Variants in MBD6 observed in about 807,000 individuals in gnomAD.
The protein encoded by MBD6 is methyl-CpG-binding domain protein 6.
Under a neutral mutation model 66.8 loss-of-function variants are expected in MBD6, and 22 were observed. That is an observed-to-expected ratio of 0.33 (90% CI 0.24 to 0.47). The LOEUF (loss-of-function observed/expected upper bound fraction) is 0.47, where lower values mean the gene tolerates loss of function less well. Among genes scored for constraint, MBD6 ranks in the 20% least tolerant of loss-of-function variants. MBD6 has a pLI of 1.00. For missense variants in MBD6, 1,322 were observed against 1,286.9 expected (o/e 1.03, Z -0.42); for synonymous variants, 540 against 534.6 (o/e 1.01, Z -0.14).
downstream of MBD6, among the ~76,000 whole-genome samples, chr12:57,531,545 A>T (rs1289695814): frequency 6.6e-6 from 1 of 152,094 alleles, no homozygotes; most frequent in Non-Finnish European, 1.5e-5. Flanking sequence ...GAAATTGTGG[A>T]CTTGCTGTGT....
chr12:57,524,255 C>T, intron 2 of MBD6, 25 bp from the exon 3 acceptor site: 1 of 1,379,312 alleles, frequency 7.2e-7, no homozygotes, highest in Non-Finnish European at 9.9e-7. Flanking sequence ...CCTCCTAGTG[C>T]CTACATGGAT....
chr12:57,528,648 T>C lies in MBD6; in HGVS notation c.2821-18T>C, dbSNP rs370620774. On this transcript the variant is annotated intron_variant, in intron 10 of 12. Transcript: ENST00000355673. ...CCTTTTTCGAAATTTCCCACACACA[T>C]AGTCCATCTTTTCTCAGGTGCCCCC... The C allele has an allele frequency of 1.3e-5, 21 of 1,613,968 alleles. No individual in the cohort carries two copies. The highest frequency in any genetic ancestry group is 6.7e-5 in the African/African-American group (5 of 75,000).
Position 57,525,983 on chromosome 12 carries a change from A to G in MBD6, c.1015A>G (p.Ser339Gly). The change falls in exon 6 of 13, where the codon AGC becomes GGC. Residue 339 changes from serine (S) to glycine (G), a missense_variant. Ser to Gly is a moderately conservative substitution (Grantham distance 56, BLOSUM62 0). Transcript: ENST00000355673. Reference protein sequence around the residue: ...KAQHPPLPPPSTLQGRRPRAQ... With the variant: ...KAQHPPLPPPGTLQGRRPRAQ... ...ACAGCATCCCCCACTACCCCCTCCCAGCACTTTACAGGGCCGAAGGCCCCG... is the reference window on the plus strand; with the variant it reads ...ACAGCATCCCCCACTACCCCCTCCCGGCACTTTACAGGGCCGAAGGCCCCG... 6.4e-7 allele frequency: 1 copy of G among 1,574,304 alleles called. No individual in the cohort carries two copies. Among genetic ancestry groups the G allele is most frequent in the Non-Finnish European group, 8.6e-7 (1 of 1,165,864 alleles).
In MBD6 at chr12:57,527,907, G is replaced by T; in HGVS notation, c.2296G>T (p.Gly766Cys). ...CCTCCCCAGCCTGTTGCAGCCTCCTGGCCCTCTTCTCTCTGGCCAGTTGGG... is the reference window on the plus strand; with the variant it reads ...CCTCCCCAGCCTGTTGCAGCCTCCTTGCCCTCTTCTCTCTGGCCAGTTGGG... Reference protein sequence around the residue: ...GALPSLLQPPGPLLSGQLGLQ... With the variant: ...GALPSLLQPPCPLLSGQLGLQ... Residue 766 changes from glycine to cysteine, a missense_variant, in exon 9 of 13, where the codon GGC becomes TGC. Transcript: ENST00000355673. The T allele has an allele frequency of 1.2e-6, 2 of 1,613,706 alleles. No homozygotes were observed. Among genetic ancestry groups the T allele is most frequent in the African/African-American group, 2.7e-5 (2 of 74,994 alleles).
chr12:57,526,213 G>A lies in MBD6; in HGVS notation c.1245G>A (p.Leu415=), dbSNP rs1231717641. The A allele has an allele frequency of 6.8e-6, 11 of 1,613,994 alleles. No homozygotes were observed. The highest frequency in any genetic ancestry group is 9.3e-6 in the Non-Finnish European group (11 of 1,179,998). The change falls in exon 6 of 13, where the codon CTG becomes CTA. Residue 415 remains leucine, a synonymous_variant. Coordinates refer to ENST00000355673, the MANE Select transcript of MBD6 (RefSeq NM_052897.4). ...SQPILPSVLS[L]LGLPTPGPSH... is the part of the protein sequence containing the mutation. ...CAATTCTCCCTTCTGTGCTGTCCCT[G>A]CTGGGACTCCCCACCCCTGGCCCTT...
chr12:57,524,626 C>G, intron 3 of MBD6, 94 bp from the exon 4 acceptor site: 1 of 1,218,968 alleles, frequency 8.2e-7, no homozygotes, highest in South Asian at 1.2e-5. Flanking sequence ...CTCTGTTCTT[C>G]TAGGAGGATC....
rs144690421 is a variant in MBD6, at chr12:57,527,626, A to G, written c.2202A>G (p.Gln734=). The G allele has an allele frequency of 1.1e-4, 181 of 1,609,954 alleles. 1 individual carries two copies. In the African/African-American group the frequency reaches 1.6e-3, roughly 14 times the overall value. The change falls in exon 8 of 13, where the codon CAA becomes CAG. Residue 734 remains glutamine, a synonymous_variant. Transcript: ENST00000355673. Reference sequence around the variant, plus strand: ...CCTCCAACTCAGGGAGACCCCCCCAACTCCTTAGCCCTCTGCTGGGTGCCA... The same window carrying G: ...CCTCCAACTCAGGGAGACCCCCCCAGCTCCTTAGCCCTCTGCTGGGTGCCA... The part of the protein sequence containing the change: ...KAPSNSGRPP[Q]LLSPLLGASL...
chr12:57,527,908 G>C lies in MBD6; in HGVS notation c.2297G>C (p.Gly766Ala). ...CTCCCCAGCCTGTTGCAGCCTCCTG[G>C]CCCTCTTCTCTCTGGCCAGTTGGGG... ...GALPSLLQPP[G>A]PLLSGQLGLQ... The change falls in exon 9 of 13, where the codon GGC (glycine) becomes GCC (alanine). Residue 766 changes from glycine to alanine, a missense_variant. By Grantham distance (60) the Gly-to-Ala change is moderately conservative. Coordinates refer to ENST00000355673, the MANE Select transcript of MBD6 (RefSeq NM_052897.4). 6.2e-7 allele frequency: 1 copy of C among 1,613,688 alleles called. No individual in the cohort carries two copies. Among genetic ancestry groups the C allele is most frequent in the Non-Finnish European group, 8.5e-7 (1 of 1,179,900 alleles).
Position 57,527,229 on chromosome 12 carries a change from T to C in MBD6, c.2082+2T>C. On this transcript the variant is annotated splice_donor_variant, in intron 7 of 12. Transcript: ENST00000355673. LOFTEE classifies it high-confidence loss of function. ...CCCCCCTCGGGGACACCCCCCCAGG[T>C]GAGGATGGGGGTGAGTAGGTGGGAC... 6.7e-7 allele frequency: 1 copy of C among 1,485,108 alleles called. No individual in the cohort carries two copies. Among genetic ancestry groups the C allele is most frequent in the East Asian group, 2.3e-5 (1 of 42,652 alleles). 92.0% of individuals were successfully genotyped at this position (1,485,108 alleles called of 1,614,324 possible).
At chr12:57,524,477 C>T in intron 3 of MBD6, 61 bp downstream of exon 3, 1 of 1,400,578 alleles carries the variant, frequency 7.1e-7, no homozygotes. Context: ...TTCTTTCTTC[C>T]GTTTCTTCTC....
Position 57,528,265 on chromosome 12 carries a change from A to AC in MBD6, c.2531dup (p.Val845SerfsTer3). 6.2e-7 allele frequency: 1 copy of AC among 1,602,762 alleles called. No homozygotes were observed. Among genetic ancestry groups the AC allele is most frequent in the East Asian group, 2.2e-5 (1 of 44,760 alleles). On this transcript the variant is annotated frameshift_variant, in exon 10 of 13. Coordinates refer to ENST00000355673, the MANE Select transcript of MBD6 (RefSeq NM_052897.4). LOFTEE classifies it high-confidence loss of function. ...TTAGCCCCACCCCATGGTTCTCCCG[A>AC]CCCCCCAGTCCCTGAGCTGCTCACT...
chr12:57,522,596 A>G (rs1374783556), upstream of MBD6: 1 of 123,520 alleles, frequency 8.1e-6, no homozygotes, highest in African/African-American at 3.2e-5. Flanking sequence ...TCTCTTGGGG[A>G]TTAATGGGGG....
In MBD6 at chr12:57,526,633, C is replaced by T. The variant is rs758235396; in HGVS notation, c.1488C>T (p.Ser496=). 7.9e-6 allele frequency: 12 copies of T among 1,513,910 alleles called. No individual in the cohort carries two copies. The highest frequency in any genetic ancestry group is 2.3e-5 in the East Asian group (1 of 43,898). 93.8% of individuals were successfully genotyped at this position (1,513,910 alleles called of 1,614,324 possible). ...CCAGCCCTGTGCTTCAAAGCCCATC[C>T]GAAGGACTGGGGATGGGGGCAGGCC... The part of the protein sequence containing the change: ...VVPSPVLQSP[S]EGLGMGAGPA... Residue 496 remains serine, a synonymous_variant, in exon 7 of 13, where the codon TCC becomes TCT. Transcript: ENST00000355673.
In MBD6 at chr12:57,526,149, C is replaced by T; in HGVS notation, c.1181C>T (p.Pro394Leu). Reference protein sequence around the residue: ...PRRSRPRAPAPVPQPFSLPEP... With the variant: ...PRRSRPRAPALVPQPFSLPEP... ...CGGAGCCGTCCTCGGGCCCCTGCTC[C>T]TGTCCCCCAACCCTTTTCTCTCCCG... The change falls in exon 6 of 13, where the codon CCT becomes CTT. Residue 394 changes from proline (P) to leucine (L), a missense_variant. Physicochemically the swap from Pro to Leu is moderately conservative, Grantham distance 98. Coordinates refer to ENST00000355673, the MANE Select transcript of MBD6 (RefSeq NM_052897.4). The T allele has an allele frequency of 1.2e-6, 2 of 1,614,210 alleles. No homozygotes were observed. Among genetic ancestry groups the T allele is most frequent in the Non-Finnish European group, 1.7e-6 (2 of 1,180,032 alleles).
At chr12:57,524,447 C>A in intron 3 of MBD6, 31 bp downstream of exon 3, 1 of 1,527,068 alleles carries the variant, frequency 6.5e-7, no homozygotes, top group Non-Finnish European at 8.9e-7. Context: ...CCAAGCTCTG[C>A]CACTCCAGTT....
downstream of MBD6, chr12:57,530,678 C>A (rs781739725): frequency 1.2e-6 from 2 of 1,612,198 alleles, no homozygotes; most frequent in Non-Finnish European, 1.7e-6. Flanking sequence ...TTCTCCAGCT[C>A]CCAAATGTGC....
chr12:57,529,288 C>A lies in MBD6; in HGVS notation c.*54C>A. On this transcript the variant is annotated 3_prime_UTR_variant, in exon 13 of 13. Transcript: ENST00000355673. ...TGATTGGGGAGAGCTGAGTGCTGAG[C>A]CTTGGGAGCCCCTGCCAGCCACCTG... is the stretch of plus-strand genomic sequence containing the variant. 6.3e-7 allele frequency: 1 copy of A among 1,594,358 alleles called. No homozygotes were observed. Among genetic ancestry groups the A allele is most frequent in the Non-Finnish European group, 8.6e-7 (1 of 1,164,128 alleles).
intron 1 of MBD6, among the ~76,000 whole-genome samples, chr12:57,523,666 C>T (rs1394055588): frequency 2.0e-5 from 3 of 151,920 alleles, no homozygotes; most frequent in South Asian, 2.1e-4. Context: ...ATATCATCTT[C>T]CTGGGTAGAG....
chr12:57,522,471 G>C (rs56768332), upstream of MBD6, among the ~76,000 whole-genome samples: 1 of 152,210 alleles, frequency 6.6e-6, no homozygotes, highest in South Asian at 2.1e-4. Context: ...TCCCGCAACA[G>C]ACTGTGGCTT....
Sources: gnomAD v4.1 joint callset for allele counts (sites outside exome capture counted in the v4.1 genomes callset) on GRCh38, gnomAD v4.1.1 for gene constraint, MANE v1.5 for transcripts, NCBI Gene and HGNC (gene_info 2026-07-23, HGNC 2026-07-21) for gene names.